Variants in RPS6KC1 observed in about 807,000 individuals in gnomAD.
RPS6KC1 encodes ribosomal protein S6 kinase C1, also known as inactive ribosomal protein S6 kinase delta-1.
A neutral mutation model predicts 103.8 loss-of-function variants in RPS6KC1; 54 were observed. The observed-to-expected ratio is 0.52, with a 90% CI of 0.42 to 0.65. The LOEUF is 0.65. Among genes scored for constraint, RPS6KC1 ranks in the 30% least tolerant of loss-of-function variants. RPS6KC1 has a pLI of 0.00. For synonymous variants in RPS6KC1, 439 were observed against 438.7 expected, an observed-to-expected ratio of 1.00 and a Z score of -0.01; for missense variants, 1,151 against 1,253.8, an observed-to-expected ratio of 0.92 and a Z score of 1.24.
At chr1:213,602,120 CTCTTTCTT>C in the RPS6KC1 span, among the ~76,000 whole-genome samples, 26 of 5,148 alleles carry the variant, frequency 5.1e-3, no homozygotes, top group East Asian at 8.8e-3. Flanking sequence ...TTCTTTCTTT[CTCTTTCTT>C]TCTTTCTTTC....
intron 7 of RPS6KC1, among the ~76,000 whole-genome samples, chr1:213,172,878 A>G (rs2091582581): frequency 6.6e-6 from 1 of 152,224 alleles, no homozygotes; most frequent in South Asian, 2.1e-4. Flanking sequence ...TATAATTGCT[A>G]ATAAATGTAA....
At chr1:213,443,023 A>G in the RPS6KC1 span, among the ~76,000 whole-genome samples, 2 of 151,266 alleles carry the variant, frequency 1.3e-5, no homozygotes, top group Admixed American at 6.6e-5. Flanking sequence ...CTGGTAGCTG[A>G]CACTATTAGA....
intron 8 of RPS6KC1, among the ~76,000 whole-genome samples, chr1:213,218,852 C>A (rs1298637465): frequency 6.6e-6 from 1 of 152,148 alleles, no homozygotes; most frequent in African/African-American, 2.4e-5. Flanking sequence ...CTTCCTTACA[C>A]CTTATAAAAA....
chr1:213,111,515 T>C (rs938031454), intron 4 of RPS6KC1, among the ~76,000 whole-genome samples: 4 of 152,218 alleles, frequency 2.6e-5, no homozygotes, highest in Non-Finnish European at 5.9e-5. Context: ...TAACAGTGTT[T>C]GTTAAACTAG....
chr1:213,058,980 G>T lies in RPS6KC1; in HGVS notation c.105+7471G>T, dbSNP rs1357182087. ...AATTGCTTCTCTGTATATTTTGTTA[G>T]ATTTATTCCCCACTATTTCGTATTT... On this transcript the variant is annotated intron_variant, in intron 1 of 14. Coordinates refer to ENST00000366960, the MANE Select transcript of RPS6KC1 (RefSeq NM_012424.6). Among the ~76,000 whole-genome samples, 4 of 152,136 alleles carry T rather than the reference G, an allele frequency of 2.6e-5. No homozygotes were observed. In the East Asian group the frequency reaches 5.8e-4, roughly 22 times the overall value.
At chr1:213,247,606 C>G (rs2094473499) in intron 12 of RPS6KC1, among the ~76,000 whole-genome samples, 1 of 152,144 alleles carries the variant, frequency 6.6e-6, no homozygotes, top group African/African-American at 2.4e-5. Context: ...GAATTGAGAA[C>G]TACCAAACCT....
intron 10 of RPS6KC1, among the ~76,000 whole-genome samples, chr1:213,236,713 A>G (rs190693816): frequency 6.6e-6 from 1 of 152,230 alleles, no homozygotes; most frequent in Admixed American, 6.5e-5. Flanking sequence ...CTCAGTGTAT[A>G]ATTGTTGAAT....
chr1:213,600,144 TG>T, the RPS6KC1 span, among the ~76,000 whole-genome samples: 1 of 152,198 alleles, frequency 6.6e-6, no homozygotes, highest in Non-Finnish European at 1.5e-5. Context: ...GCTTCCCCTT[TG>T]CCTTCCACCA....
At chr1:213,527,313 C>T in the RPS6KC1 span, among the ~76,000 whole-genome samples, 1 of 152,130 alleles carries the variant, frequency 6.6e-6, no homozygotes. Context: ...AAATTCTGGT[C>T]TTGTTTGACC....
the RPS6KC1 span, among the ~76,000 whole-genome samples, chr1:213,793,822 A>T: frequency 6.6e-6 from 1 of 152,174 alleles, no homozygotes; most frequent in African/African-American, 2.4e-5. Context: ...TGACTAAAGT[A>T]GGACTTTAAA....
At chr1:213,248,292 G>A (rs2094488056) in intron 12 of RPS6KC1, among the ~76,000 whole-genome samples, 1 of 152,090 alleles carries the variant, frequency 6.6e-6, no homozygotes, top group Non-Finnish European at 1.5e-5. Context: ...TAAATATTAT[G>A]TTTCAGACAG....
At chr1:213,844,650 T>C in the RPS6KC1 span, among the ~76,000 whole-genome samples, 1 of 152,286 alleles carries the variant, frequency 6.6e-6, no homozygotes, top group Non-Finnish European at 1.5e-5. Context: ...AGAAATAAGA[T>C]AAAATAAAAA....
the RPS6KC1 span, among the ~76,000 whole-genome samples, chr1:213,765,613 A>G: frequency 6.6e-6 from 1 of 152,018 alleles, no homozygotes; most frequent in African/African-American, 2.4e-5. Context: ...GAACCGCAAA[A>G]CTTCCCCCAA....
Position 213,179,565 on chromosome 1 carries a change from A to G in RPS6KC1, c.1044+3073A>G, listed in dbSNP as rs149144607. Among the ~76,000 whole-genome samples, 247 of 152,370 alleles carry G rather than the reference A, an allele frequency of 1.6e-3. 1 individual carries two copies. The highest frequency in any genetic ancestry group is 2.9e-3 in the Non-Finnish European group (196 of 68,028). ...GGAAAATAAATGTTGAATAAATTCA[A>G]AAGGTTAGAAAATAGCCAGGATATA... On this transcript the variant is annotated intron_variant, in intron 8 of 14. Coordinates refer to ENST00000366960, the MANE Select transcript of RPS6KC1 (RefSeq NM_012424.6).
chr1:213,721,070 T>C, the RPS6KC1 span, among the ~76,000 whole-genome samples: 1 of 152,204 alleles, frequency 6.6e-6, no homozygotes, highest in African/African-American at 2.4e-5. Context: ...AAGGAAAGTG[T>C]AGATAATGGA....
At chr1:213,375,248 T>TATACAC in the RPS6KC1 span, among the ~76,000 whole-genome samples, 1 of 151,588 alleles carries the variant, frequency 6.6e-6, no homozygotes, top group African/African-American at 2.4e-5. Flanking sequence ...TACACACATA[T>TATACAC]ATACACACAT....
chr1:213,251,912 T>C (rs1043838530), intron 12 of RPS6KC1, among the ~76,000 whole-genome samples: 9 of 152,064 alleles, frequency 5.9e-5, no homozygotes, highest in Non-Finnish European at 1.5e-5. Context: ...TGAAAAGGAG[T>C]CTACCCAAAC....
the RPS6KC1 span, among the ~76,000 whole-genome samples, chr1:213,676,137 C>G: frequency 6.6e-6 from 1 of 152,176 alleles, no homozygotes; most frequent in Non-Finnish European, 1.5e-5. Flanking sequence ...GTGTTGTTCT[C>G]TCTTGCTGTA....
intron 5 of RPS6KC1, among the ~76,000 whole-genome samples, chr1:213,118,603 A>G (rs1322433259): frequency 1.3e-5 from 2 of 152,118 alleles, no homozygotes; most frequent in Non-Finnish European, 2.9e-5. Context: ...GTGATTTGGT[A>G]AGAGCAACGT....
Sources: gnomAD v4.1 joint callset for allele counts (sites outside exome capture counted in the v4.1 genomes callset) on GRCh38, gnomAD v4.1.1 for gene constraint, MANE v1.5 for transcripts, NCBI Gene and HGNC (gene_info 2026-07-23, HGNC 2026-07-21) for gene names.